COL11A1: variants seen among roughly 807,000 people sequenced by gnomAD.
The protein encoded by COL11A1 is collagen alpha-1(XI) chain.
A neutral mutation model predicts 265.2 loss-of-function variants in COL11A1; 74 were observed. The observed-to-expected ratio is 0.28, with a 90% confidence interval of 0.23 to 0.34. The LOEUF is 0.34. Among genes scored for constraint, COL11A1 ranks in the 10% least tolerant of loss-of-function variants. COL11A1 has a pLI of 1.00. For synonymous variants in COL11A1, 816 were observed against 727.6 expected (o/e 1.12, Z -1.96); for missense variants, 2,165 against 2,263.6 (o/e 0.96, Z 0.88).
chr1:102,954,351 T>C, intron 41 of COL11A1, among the ~76,000 whole-genome samples: 1 of 150,606 alleles, frequency 6.6e-6, no homozygotes, highest in African/African-American at 2.5e-5. Context: ...ATAAATGTTT[T>C]ATCAGTTATT....
At chr1:103,055,423 T>C (rs1234724037) in intron 4 of COL11A1, among the ~76,000 whole-genome samples, 1 of 152,356 alleles carries the variant, frequency 6.6e-6, no homozygotes, top group Middle Eastern at 3.4e-3. Context: ...CACACCTTTA[T>C]ATTTTAAAAT....
At chr1:102,914,670 A>T in intron 51 of COL11A1, 34 bp downstream of exon 51, 1 of 1,502,180 alleles carries the variant, frequency 6.7e-7, no homozygotes, top group Non-Finnish European at 9.3e-7. Context: ...AGTTTGGCAT[A>T]AATGCCACAT....
intron 42 of COL11A1, among the ~76,000 whole-genome samples, chr1:102,941,271 C>T (rs976460789): frequency 6.6e-6 from 1 of 152,094 alleles, no homozygotes; most frequent in Non-Finnish European, 1.5e-5. Context: ...TCACTGACAC[C>T]TTACTCTATA....
chr1:102,885,792 T>C (rs1303098887), intron 63 of COL11A1, among the ~76,000 whole-genome samples: 1 of 152,154 alleles, frequency 6.6e-6, no homozygotes, highest in East Asian at 1.9e-4. Flanking sequence ...AATCTCCTTA[T>C]AAATCACTAA....
At chr1:103,097,600 TAGA>T (rs1673881936) in intron 1 of COL11A1, among the ~76,000 whole-genome samples, 1 of 152,006 alleles carries the variant, frequency 6.6e-6, no homozygotes, top group Non-Finnish European at 1.5e-5. Flanking sequence ...TCTCCTCAAG[TAGA>T]CCATAATCAC....
At chr1:103,048,256 T>A (rs1669479496) in intron 4 of COL11A1, among the ~76,000 whole-genome samples, 1 of 152,220 alleles carries the variant, frequency 6.6e-6, no homozygotes, top group South Asian at 2.1e-4. Flanking sequence ...GTTGTTAAGC[T>A]ATTGATTATT....
intron 1 of COL11A1, among the ~76,000 whole-genome samples, chr1:103,095,710 A>C (rs1478765253): frequency 6.6e-6 from 1 of 151,804 alleles, no homozygotes; most frequent in African/African-American, 2.4e-5. Context: ...TGTACATTGG[A>C]TATTTTCTCA....
At chr1:102,981,025 C>T (rs1010569290) in intron 31 of COL11A1, among the ~76,000 whole-genome samples, 1 of 152,106 alleles carries the variant, frequency 6.6e-6, no homozygotes, top group African/African-American at 2.4e-5. Context: ...AAGATGCTAG[C>T]AATTTGTATT....
At chr1:103,062,572 T>C (rs6695665) in intron 4 of COL11A1, among the ~76,000 whole-genome samples, 101,565 of 151,770 alleles carry the variant, frequency 0.67, 36,005 homozygotes, top group East Asian at 0.92. Flanking sequence ...AAAAAATAAA[T>C]AAATTATCAT....
At chr1:102,952,179 A>G (rs1253859350) in intron 41 of COL11A1, among the ~76,000 whole-genome samples, 2 of 151,952 alleles carry the variant, frequency 1.3e-5, no homozygotes, top group Non-Finnish European at 2.9e-5. Context: ...GCTCACTGCA[A>G]CCTCCACCTC....
At chr1:103,093,915 T>C (rs1239200721) in intron 1 of COL11A1, among the ~76,000 whole-genome samples, 2 of 152,004 alleles carry the variant, frequency 1.3e-5, no homozygotes, top group Non-Finnish European at 2.9e-5. Flanking sequence ...CTGTCAATGC[T>C]ATGGAAGAGA....
intron 4 of COL11A1, among the ~76,000 whole-genome samples, chr1:103,067,303 A>T (rs1227489222): frequency 6.6e-6 from 1 of 151,920 alleles, no homozygotes; most frequent in Non-Finnish European, 1.5e-5. Flanking sequence ...TATTCTCAGA[A>T]GACAACAGAA....
chr1:103,078,317 T>G (rs776818595), intron 3 of COL11A1, among the ~76,000 whole-genome samples: 1 of 152,088 alleles, frequency 6.6e-6, no homozygotes, highest in Non-Finnish European at 1.5e-5. Flanking sequence ...CAGCATGGCA[T>G]GCACTTTACC....
At chr1:102,940,198 T>C (rs1271168974) in intron 43 of COL11A1, 129 bp downstream of exon 43, 5 of 744,422 alleles carry the variant, frequency 6.7e-6, no homozygotes, top group Non-Finnish European at 1.2e-5. Context: ...CATATGAAAA[T>C]GTGTGTGAAA....
intron 26 of COL11A1, among the ~76,000 whole-genome samples, chr1:102,996,760 A>C (rs2101798802): frequency 6.6e-6 from 1 of 152,088 alleles, no homozygotes; most frequent in African/African-American, 2.4e-5. Context: ...AGTAATAATA[A>C]AATTGGGGTT....
chr1:102,940,964 C>T (rs1658659368), intron 42 of COL11A1, among the ~76,000 whole-genome samples: 1 of 151,906 alleles, frequency 6.6e-6, no homozygotes, highest in Non-Finnish European at 1.5e-5. Context: ...TTTAAAAGTG[C>T]CTTGATAATG....
At chr1:103,027,399 ATATAT>A (rs1557966322) in intron 5 of COL11A1, among the ~76,000 whole-genome samples, 196 of 18,004 alleles carry the variant, frequency 0.011, 1 homozygote, top group Non-Finnish European at 0.03. Context: ...AAACTCTAAT[ATATAT>A]ATATATATAT....
chr1:102,949,252 A>T (rs1314486113), intron 41 of COL11A1, among the ~76,000 whole-genome samples: 2 of 152,054 alleles, frequency 1.3e-5, no homozygotes, highest in Non-Finnish European at 2.9e-5. Context: ...TAAGGTGACT[A>T]TATTACAATT....
At chr1:103,083,248 C>CTGTCTG (rs1256061237) in intron 1 of COL11A1, among the ~76,000 whole-genome samples, 3 of 148,066 alleles carry the variant, frequency 2.0e-5, no homozygotes, top group Non-Finnish European at 4.5e-5. Flanking sequence ...GTGTCTGTGT[C>CTGTCTG]TGTGTGTGTG....
Sources: allele counts gnomAD v4.1 joint callset (sites outside exome capture counted in the v4.1 genomes callset), GRCh38; gene constraint gnomAD v4.1.1; transcripts MANE v1.5; gene names NCBI Gene and HGNC (gene_info 2026-07-23, HGNC 2026-07-21).